C8orf34: variants seen among roughly 807,000 people sequenced by gnomAD.
C8orf34 encodes the protein uncharacterized protein C8orf34.
C8orf34 carries 65 observed loss-of-function variants against 68.3 expected under a neutral mutation model. That is an observed-to-expected ratio of 0.95 (90% CI 0.78 to 1.17). The LOEUF (loss-of-function observed/expected upper bound fraction) is 1.17. Among genes scored for constraint, C8orf34 ranks in the 50% most tolerant of loss-of-function variants. The probability of loss-of-function intolerance (pLI) is 0.00; values close to 1 mark genes in which losing one functional copy is unlikely to be tolerated. For synonymous variants in C8orf34, 244 were observed against 241.2 expected (o/e 1.01, Z -0.11); for missense variants, 664 against 655.4 (o/e 1.01, Z -0.14).
chr8:68,331,783 C>T (rs146903331), intron 1 of C8orf34, among the ~76,000 whole-genome samples: 2,974 of 28,966 alleles, frequency 0.1, 453 homozygotes, highest in Non-Finnish European at 0.14. Context: ...TTCTTTCCTT[C>T]TTTTTTTTTT....
chr8:68,407,213 CTT>C (rs11377794), intron 1 of C8orf34, among the ~76,000 whole-genome samples: 2 of 146,778 alleles, frequency 1.4e-5, no homozygotes, highest in African/African-American at 2.5e-5. Flanking sequence ...TCTAAGGTTC[CTT>C]TTTTTTTTAT....
chr8:68,759,254 T>C (rs996273676), intron 10 of C8orf34, among the ~76,000 whole-genome samples: 10 of 152,238 alleles, frequency 6.6e-5, no homozygotes, highest in Non-Finnish European at 1.5e-4. Flanking sequence ...AATTTAAAGT[T>C]AACATCTATT....
chr8:68,738,814 G>A (rs1158118925), intron 10 of C8orf34, among the ~76,000 whole-genome samples: 3 of 151,880 alleles, frequency 2.0e-5, no homozygotes, highest in Admixed American at 6.6e-5. Flanking sequence ...ACCAAAAAAA[G>A]GCCAGGATCA....
At chr8:68,572,807 G>A (rs986691877) in intron 7 of C8orf34, among the ~76,000 whole-genome samples, 1 of 152,100 alleles carries the variant, frequency 6.6e-6, no homozygotes, top group Non-Finnish European at 1.5e-5. Context: ...GATGGTCATT[G>A]CTTTGAATCT....
intron 10 of C8orf34, among the ~76,000 whole-genome samples, chr8:68,734,808 G>A (rs889307470): frequency 6.6e-5 from 10 of 152,120 alleles, no homozygotes; most frequent in African/African-American, 4.8e-5. Flanking sequence ...CCCATCTGGC[G>A]GGTAGTGGGA....
Position 68,549,788 on chromosome 8 carries a change from G to A in C8orf34, c.1105+16639G>A, listed in dbSNP as rs75326265. Among the ~76,000 whole-genome samples, 797 of 151,558 alleles carry A rather than the reference G, an allele frequency of 5.3e-3. 7 individuals carry two copies. The highest frequency in any genetic ancestry group is 5.8e-3 in the Non-Finnish European group (390 of 67,608). Reference sequence around the variant, plus strand: ...GTGTATTTTGATGCTTTGTTGTTAGGCACATAAATATTAAGGATTGTGATA... The same window carrying A: ...GTGTATTTTGATGCTTTGTTGTTAGACACATAAATATTAAGGATTGTGATA... On this transcript the variant is annotated intron_variant, in intron 7 of 13. Transcript: ENST00000518698.
At chr8:68,757,815 C>A (rs140259649) in intron 10 of C8orf34, among the ~76,000 whole-genome samples, 7 of 152,124 alleles carry the variant, frequency 4.6e-5, no homozygotes, top group Admixed American at 3.9e-4. Context: ...ATGGTCAAAT[C>A]TGGCTTGGTT....
chr8:68,362,657 A>G (rs1807058239), intron 1 of C8orf34, among the ~76,000 whole-genome samples: 1 of 152,212 alleles, frequency 6.6e-6, no homozygotes, highest in South Asian at 2.1e-4. Flanking sequence ...ACGGCAGGAT[A>G]TTCCAACAGA....
At chr8:68,613,443 T>TCCCCCCCCCCC (rs141908753) in intron 7 of C8orf34, among the ~76,000 whole-genome samples, 4 of 130,138 alleles carry the variant, frequency 3.1e-5, no homozygotes, top group African/African-American at 5.8e-5. Context: ...TCCCTCCCCC[T>TCCCCCCCCCCC]CCCCCCACAC....
chr8:68,769,113 T>C (rs72668533), intron 10 of C8orf34, among the ~76,000 whole-genome samples: 12,196 of 151,996 alleles, frequency 0.08, 542 homozygotes, highest in African/African-American at 0.1. Context: ...TGCAGTGCAA[T>C]GTGTAATTTC....
At chr8:68,587,350 C>G (rs568176723) in intron 7 of C8orf34, among the ~76,000 whole-genome samples, 1 of 152,024 alleles carries the variant, frequency 6.6e-6, no homozygotes, top group Non-Finnish European at 1.5e-5. Flanking sequence ...AAATTCAATG[C>G]AAATACCTTT....
chr8:68,564,125 C>T (rs1816515578), intron 7 of C8orf34, among the ~76,000 whole-genome samples: 1 of 152,104 alleles, frequency 6.6e-6, no homozygotes, highest in Admixed American at 6.5e-5. Flanking sequence ...TCTTTATGCC[C>T]TAAATTTGCT....
At chr8:68,734,206 A>C (rs566098173) in intron 10 of C8orf34, among the ~76,000 whole-genome samples, 10 of 152,272 alleles carry the variant, frequency 6.6e-5, no homozygotes, top group African/African-American at 2.4e-4. Context: ...CTGTACTTGG[A>C]GATCACAAAA....
At chr8:68,744,956 A>T in intron 10 of C8orf34, among the ~76,000 whole-genome samples, 1 of 152,290 alleles carries the variant, frequency 6.6e-6, no homozygotes, top group East Asian at 1.9e-4. Flanking sequence ...GTTGAAATGA[A>T]GGAAAAAATG....
intron 3 of C8orf34, among the ~76,000 whole-genome samples, chr8:68,465,423 C>T (rs1183834396): frequency 1.3e-5 from 2 of 150,538 alleles, no homozygotes; most frequent in South Asian, 2.1e-4. Context: ...ACTAGAAATA[C>T]CATTTGACCC....
rs1819638894 is a variant in C8orf34, at chr8:68,660,482, C to T, written c.1241+19971C>T. On this transcript the variant is annotated intron_variant, in intron 8 of 13. Transcript: ENST00000518698. ...CCACATTTACCCACACACTGTCTTT[C>T]CCCTGCTGCTCGTAACCTTTGAGTT... 2.0e-5 allele frequency among the ~76,000 whole-genome samples: 3 copies of T among 152,152 alleles called. 1 individual carries two copies. Among genetic ancestry groups the T allele is most frequent in the African/African-American group, 7.2e-5 (3 of 41,420 alleles).
rs1807709418 is a variant in C8orf34, at chr8:68,374,589, T to C, written c.327+43250T>C. Among the ~76,000 whole-genome samples, 4 of 152,344 alleles carry C rather than the reference T, an allele frequency of 2.6e-5. No homozygotes were observed. In the South Asian group the frequency reaches 8.3e-4, roughly 32 times the overall value. On this transcript the variant is annotated intron_variant, in intron 1 of 13. Transcript: ENST00000518698. ...AATTAGGAGAGTGAACCCTTGTGGA[T>C]ACCATATAGCTCCTAAAACATTAAC...
intron 8 of C8orf34, among the ~76,000 whole-genome samples, chr8:68,649,625 G>T (rs866174670): frequency 6.6e-6 from 1 of 152,126 alleles, no homozygotes; most frequent in Non-Finnish European, 1.5e-5. Flanking sequence ...CAATTTCATG[G>T]TTTTTCTTTT....
chr8:68,522,666 A>T (rs1334019737), intron 6 of C8orf34, among the ~76,000 whole-genome samples: 1 of 152,298 alleles, frequency 6.6e-6, no homozygotes, highest in East Asian at 1.9e-4. Context: ...AACTATATTC[A>T]GAGTAATTTT....
Sources: gnomAD v4.1 joint callset for allele counts (sites outside exome capture counted in the v4.1 genomes callset) on GRCh38, gnomAD v4.1.1 for gene constraint, MANE v1.5 for transcripts, NCBI Gene and HGNC (gene_info 2026-07-23, HGNC 2026-07-21) for gene names.